The following LZTFL1 variants were observed in gnomAD, a reference collection of about 807,000 sequenced individuals.
The protein encoded by LZTFL1 is leucine zipper transcription factor like 1.
Under a neutral mutation model 45.9 loss-of-function variants are expected in LZTFL1, and 25 were observed. The observed-to-expected ratio is 0.54, with a 90% CI of 0.40 to 0.76. The LOEUF (loss-of-function observed/expected upper bound fraction) is 0.76. Ranked by LOEUF, LZTFL1 falls within the 30% of genes least tolerant of loss-of-function variation. The pLI, the probability that LZTFL1 is intolerant of heterozygous loss-of-function variation, is 0.00. For synonymous variants in LZTFL1, 93 were observed against 117.4 expected (o/e 0.79, Z 1.35); for missense variants, 277 against 331.1 (o/e 0.84, Z 1.27).
At chr3:45,844,355 G>A (rs180865283), upstream of LZTFL1, among the ~76,000 whole-genome samples, 49 of 152,254 alleles carry the variant, frequency 3.2e-4, no homozygotes, top group Middle Eastern at 3.4e-3. Context: ...GACTCAGAAA[G>A]CCCCAGCTGC....
chr3:45,831,014 A>G (rs1700799761), intron 6 of LZTFL1, 24 bp from the exon 7 acceptor site: 2 of 1,609,936 alleles, frequency 1.2e-6, no homozygotes, highest in African/African-American at 1.3e-5. Context: ...TAAACAAAAC[A>G]CTTTCAGTAT....
chr3:45,854,114 C>T (rs1305059489), intron 4 of LZTFL1, among the ~76,000 whole-genome samples: 1 of 152,210 alleles, frequency 6.6e-6, no homozygotes, highest in East Asian at 1.9e-4. Context: ...TCTGTGGTTT[C>T]TTGCTGTCCA....
chr3:45,835,199 C>G (rs1700933114), intron 3 of LZTFL1: 1 of 157,748 alleles, frequency 6.3e-6, no homozygotes, highest in South Asian at 2.0e-4. Context: ...TCCAATGCTA[C>G]TGGATTGAAT....
chr3:45,828,293 T>A, intron 8 of LZTFL1, 146 bp downstream of exon 8: 2 of 666,682 alleles, frequency 3.0e-6, no homozygotes, highest in South Asian at 5.2e-5. Flanking sequence ...AAATGATTAA[T>A]CTTTAGAACA....
At chr3:45,892,750 C>CA (rs940838664) in intron 2 of LZTFL1, among the ~76,000 whole-genome samples, 7 of 151,834 alleles carry the variant, frequency 4.6e-5, no homozygotes, top group South Asian at 2.1e-4. Context: ...CAAACCAAAA[C>CA]AAAAAAAACC....
intron 2 of LZTFL1, chr3:45,883,675 C>A (rs1161260348): frequency 5.4e-6 from 3 of 550,782 alleles, no homozygotes; most frequent in African/African-American, 3.8e-5. Context: ...CAGATGCCCA[C>A]ATCATGATAG....
intron 5 of LZTFL1, chr3:45,832,730 T>G (rs111970953): frequency 0.028 from 5,312 of 192,304 alleles, 291 homozygotes; most frequent in African/African-American, 0.12. Flanking sequence ...CCCGGCTAAT[T>G]GATAAATAAT....
At chr3:45,846,897 G>A (rs1277203468), upstream of LZTFL1, among the ~76,000 whole-genome samples, 2 of 152,066 alleles carry the variant, frequency 1.3e-5, no homozygotes, top group Non-Finnish European at 2.9e-5. Flanking sequence ...ATGTTTCTAC[G>A]TGGTACCAGT....
chr3:45,832,604 C>T (rs989688953), intron 5 of LZTFL1: 2 of 152,300 alleles, frequency 1.3e-5, no homozygotes, highest in Non-Finnish European at 2.9e-5. Context: ...CTCTGTCGCC[C>T]AGGCTAGAGT....
chr3:45,835,799 T>C lies in LZTFL1; in HGVS notation c.129-15A>G. The C allele has an allele frequency of 1.3e-6, 2 of 1,576,928 alleles. No individual in the cohort carries two copies. Among genetic ancestry groups the C allele is most frequent in the Admixed American group, 1.8e-5 (1 of 55,798 alleles). On this transcript the variant is annotated splice_polypyrimidine_tract_variant and intron_variant, in intron 2 of 9. Coordinates refer to ENST00000296135, the MANE Select transcript of LZTFL1 (RefSeq NM_020347.4). ...CCTCCACCAGCCTGAAAAACAACCA[T>C]GATCCAAAACTTATAGAAAAACAAC...
Position 45,831,130 on chromosome 3 carries a change from T to C in LZTFL1, c.465A>G (p.Leu155=). ...GTAELLNKEI[L]RLQEENEKLK... ...ATTTCTCATTCTCTTCTTGAAGTCT[T>C]AAAATTTCCTTTGTGAGTAAATTCA... The change falls in exon 6 of 10, where the codon TTA becomes TTG. Residue 155 remains leucine (L), a synonymous_variant. Coordinates refer to ENST00000296135, the MANE Select transcript of LZTFL1 (RefSeq NM_020347.4). The C allele has an allele frequency of 1.3e-6, 2 of 1,573,150 alleles. No homozygotes were observed. Among genetic ancestry groups the C allele is most frequent in the Non-Finnish European group, 1.7e-6 (2 of 1,159,602 alleles).
At chr3:45,877,652 G>A (rs969947383) in intron 2 of LZTFL1, among the ~76,000 whole-genome samples, 6 of 151,852 alleles carry the variant, frequency 4.0e-5, no homozygotes, top group African/African-American at 1.5e-4. Context: ...ACTGAAAATT[G>A]GGCTGTTATT....
chr3:45,908,749 C>T (rs1367911737), intron 2 of LZTFL1, among the ~76,000 whole-genome samples: 1 of 152,222 alleles, frequency 6.6e-6, no homozygotes, highest in African/African-American at 2.4e-5. Flanking sequence ...AGGACTTCTC[C>T]ACTCATGTTC....
At chr3:45,867,855 G>A (rs542154697) in intron 2 of LZTFL1, among the ~76,000 whole-genome samples, 6 of 152,054 alleles carry the variant, frequency 3.9e-5, no homozygotes, top group African/African-American at 9.6e-5. Context: ...AAACAACAAC[G>A]ACAACGAACA....
chr3:45,905,020 T>C (rs1192636500), intron 2 of LZTFL1, among the ~76,000 whole-genome samples: 2 of 152,188 alleles, frequency 1.3e-5, no homozygotes, highest in Admixed American at 1.3e-4. Flanking sequence ...CTTGTCTCAA[T>C]GTGAGGTCTG....
chr3:45,900,329 G>T lies in LZTFL1; in HGVS notation c.-215+12791C>A, dbSNP rs930377751. 3.3e-5 allele frequency among the ~76,000 whole-genome samples: 5 copies of T among 152,124 alleles called. No individual in the cohort carries two copies. Among genetic ancestry groups the T allele is most frequent in the Non-Finnish European group, 5.9e-5 (4 of 68,032 alleles). On this transcript the variant is annotated intron_variant, in intron 2 of 4. Transcript: ENST00000472635. This position sits in a 1 kb window ranked among gnomAD's most constrained non-coding sequence, Gnocchi z 4.7. ...CCCGGAGCTTTCAGGAAACTCAGGG[G>T]ACTGGGATCCAGATGAGTTTAAGAG...
intron 2 of LZTFL1, among the ~76,000 whole-genome samples, chr3:45,893,142 CCT>C (rs1050098172): frequency 4.6e-5 from 7 of 151,130 alleles, no homozygotes; most frequent in East Asian, 1.9e-4. Context: ...ACTCCCCTTC[CCT>C]CTCTCTCTCT....
chr3:45,842,262 G>T, upstream of LZTFL1: 1 of 1,117,390 alleles, frequency 8.9e-7, no homozygotes, highest in Non-Finnish European at 1.2e-6. Flanking sequence ...ACCTTTTTGT[G>T]CCAGTTCACT....
At chr3:45,839,370 G>T (rs961057974) in intron 1 of LZTFL1, among the ~76,000 whole-genome samples, 3 of 152,148 alleles carry the variant, frequency 2.0e-5, no homozygotes, top group African/African-American at 4.8e-5. Context: ...TTACAGAGGT[G>T]AGCCACCACG....
Sources: allele counts gnomAD v4.1 joint callset (sites outside exome capture counted in the v4.1 genomes callset), GRCh38; gene constraint gnomAD v4.1.1; non-coding constraint Gnocchi (gnomAD v3.1); transcripts MANE v1.5; gene names NCBI Gene and HGNC (gene_info 2026-07-23, HGNC 2026-07-21).